CA14: variants seen among roughly 807,000 people sequenced by gnomAD.
The protein encoded by CA14 is CA-XIV.
Under a neutral mutation model 48.8 loss-of-function variants are expected in CA14, and 44 were observed. The ratio of observed to expected loss-of-function variants is 0.90; its 90% CI spans 0.71 to 1.16. CA14 has a LOEUF of 1.16. Among genes scored for constraint, CA14 ranks in the 50% most tolerant of loss-of-function variants. CA14 has a pLI of 0.00. For synonymous variants in CA14, 154 were observed against 155.0 expected (o/e 0.99, Z 0.05); for missense variants, 386 against 401.0 (o/e 0.96, Z 0.32).
intron 2 of CA14, 80 bp downstream of exon 2, chr1:150,260,251 G>A (rs1553847512): frequency 7.1e-7 from 1 of 1,405,972 alleles, no homozygotes; most frequent in Admixed American, 1.7e-5. Flanking sequence ...CTGTGCGGGT[G>A]GGAGGAGACT....
At chr1:150,258,380 T>G (rs1345341349) in intron 1 of CA14, among the ~76,000 whole-genome samples, 197 bp downstream of exon 1, 1 of 152,172 alleles carries the variant, frequency 6.6e-6, no homozygotes, top group African/African-American at 2.4e-5. Flanking sequence ...TTGTTGTTAT[T>G]GGAGGTCGGG....
chr1:150,258,115 C>A lies in CA14; in HGVS notation c.-14C>A. ...CTCAAATTCCCAGTCCCCTGCACCC[C>A]TTCCTGGGACACTATGTTGTTCTCC... is the stretch of plus-strand genomic sequence containing the variant. On this transcript the variant is annotated 5_prime_UTR_variant, in exon 1 of 11. Coordinates refer to ENST00000369111, the MANE Select transcript of CA14 (RefSeq NM_012113.3). The A allele has an allele frequency of 1.2e-6, 2 of 1,606,328 alleles. No homozygotes were observed. Among genetic ancestry groups the A allele is most frequent in the Non-Finnish European group, 1.7e-6 (2 of 1,175,192 alleles).
At position 150,261,275 on chromosome 1, in the gene CA14, T is replaced by G. The variant is rs1212748175; in HGVS notation, c.77-184T>G. ...GGGAAGGGGAACTGCAGCATGAGAC[T>G]CAACAGGACTCCTACCTCACCCATC... On this transcript the variant is annotated intron_variant, in intron 2 of 10. Transcript: ENST00000369111. 1.2e-5 allele frequency: 7 copies of G among 588,206 alleles called. No homozygotes were observed. In the Admixed American group the frequency reaches 1.6e-4, roughly 13 times the overall value. The allele number at this position is 588,206 out of a possible 1,614,324, so 36.4% of individuals were successfully genotyped here. A position where few individuals can be genotyped will look rare whatever the true frequency, so the allele number is the denominator to read the frequency against.
Position 150,263,092 on chromosome 1 carries a change from C to G in CA14, c.613C>G (p.Gln205Glu). The change falls in exon 7 of 11, where the codon CAG becomes GAG. Residue 205 changes from glutamine to glutamate, a missense_variant. Physicochemically the swap from Gln to Glu is conservative, Grantham distance 29. Coordinates refer to ENST00000369111, the MANE Select transcript of CA14 (RefSeq NM_012113.3). ...CAACCTAAGAGAGCTGCTCCCCAAACAGCTGGGGCAGTACTTCCGCTACAA... is the reference window on the plus strand; with the variant it reads ...CAACCTAAGAGAGCTGCTCCCCAAAGAGCTGGGGCAGTACTTCCGCTACAA... The part of the protein sequence containing the change: ...PFNLRELLPK[Q>E]LGQYFRYNGS... 1 of 1,614,122 alleles carries G rather than the reference C, an allele frequency of 6.2e-7. No homozygotes were observed. The highest frequency in any genetic ancestry group is 8.5e-7 in the Non-Finnish European group (1 of 1,179,992).
At position 150,263,137 on chromosome 1, in the gene CA14, C is replaced by G; in HGVS notation, c.658C>G (p.Pro220Ala). The G allele has an allele frequency of 6.2e-7, 1 of 1,614,150 alleles. No individual in the cohort carries two copies. The highest frequency in any genetic ancestry group is 8.5e-7 in the Non-Finnish European group (1 of 1,180,018). ...FRYNGSLTTP[P>A]CYQSVLWTVF... ...CTACAATGGCTCGCTCACAACTCCC[C>G]CTTGCTACCAGAGTGTGCTCTGGAC... Residue 220 changes from proline to alanine, a missense_variant, in exon 7 of 11, where the codon CCT becomes GCT. Pro to Ala is a conservative substitution (Grantham distance 27, BLOSUM62 -1). Transcript: ENST00000369111.
chr1:150,258,020 C>T lies in CA14; in HGVS notation c.-109C>T. 2.9e-6 allele frequency: 2 copies of T among 699,136 alleles called. No individual in the cohort carries two copies. Among genetic ancestry groups the T allele is most frequent in the Non-Finnish European group, 4.6e-6 (2 of 439,052 alleles). The allele number at this position is 699,136 out of a possible 1,614,324, so 43.3% of individuals were successfully genotyped here. On this transcript the variant is annotated 5_prime_UTR_variant, in exon 1 of 11. Coordinates refer to ENST00000369111, the MANE Select transcript of CA14 (RefSeq NM_012113.3). ...GAGATAAATACACTCACGCCAGGAGCTCGCTCGCTCTCTCTCTCTCTCTCT... is the reference window on the plus strand; with the variant it reads ...GAGATAAATACACTCACGCCAGGAGTTCGCTCGCTCTCTCTCTCTCTCTCT...
chr1:150,258,630 C>G (rs1650745038), intron 1 of CA14, among the ~76,000 whole-genome samples: 1 of 152,214 alleles, frequency 6.6e-6, no homozygotes, highest in South Asian at 2.1e-4. Context: ...ATCTCCAATT[C>G]ATCCCCTTTT....
In CA14 at chr1:150,264,731, T is replaced by C. The variant is rs782102195; in HGVS notation, c.*72T>C. The C allele has an allele frequency of 1.9e-5, 23 of 1,209,948 alleles. No homozygotes were observed. In the Middle Eastern group the frequency reaches 5.9e-4, roughly 31 times the overall value. 75.0% of individuals were successfully genotyped at this position (1,209,948 alleles called of 1,614,324 possible). On this transcript the variant is annotated 3_prime_UTR_variant, in exon 11 of 11. Transcript: ENST00000369111. ...ATCAGGAAGCCTCTAAAATGGGGTG[T>C]AGGATCTGGCCAGAAACACTGTAGG...
intron 3 of CA14, 89 bp from the exon 4 acceptor site, chr1:150,262,069 G>A: frequency 1.3e-6 from 2 of 1,493,892 alleles, no homozygotes; most frequent in Non-Finnish European, 1.9e-6. Flanking sequence ...ACTGGAAGAG[G>A]GCCAAGTCTC....
At chr1:150,261,888 A>G (rs1481895286) in intron 3 of CA14, among the ~76,000 whole-genome samples, 1 of 152,220 alleles carries the variant, frequency 6.6e-6, no homozygotes, top group African/African-American at 2.4e-5. Context: ...ATGAATTTGG[A>G]GATATGAGAA....
chr1:150,260,556 A>C lies in CA14; in HGVS notation c.76+385A>C, dbSNP rs587629344. ...ACAGAGCTGGAGGTCAGGGGTGAGG[A>C]AGAGGCTGGCAGGATAGTTTCTGAC... On this transcript the variant is annotated intron_variant, in intron 2 of 10. Coordinates refer to ENST00000369111, the MANE Select transcript of CA14 (RefSeq NM_012113.3). The C allele has an allele frequency of 4.9e-4, 173 of 354,314 alleles. 2 individuals are homozygous for C. The highest frequency in any genetic ancestry group is 8.7e-4 in the Admixed American group (22 of 25,318). The allele number at this position is 354,314 out of a possible 1,614,324, so 21.9% of individuals were successfully genotyped here. A position where few individuals can be genotyped will look rare whatever the true frequency, so the allele number is the denominator to read the frequency against.
In CA14 at chr1:150,262,181, C is replaced by T. The variant is rs1651094528; in HGVS notation, c.280C>T (p.Leu94=). The T allele has an allele frequency of 6.2e-7, 1 of 1,614,094 alleles. No homozygotes were observed. Among genetic ancestry groups the T allele is most frequent in the African/African-American group, 1.3e-5 (1 of 74,930 alleles). Residue 94 remains leucine, a synonymous_variant, in exon 4 of 11, where the codon CTG becomes TTG. Coordinates refer to ENST00000369111, the MANE Select transcript of CA14 (RefSeq NM_012113.3). ...AGTGCAACTCTCTCTGCCCTCTACC[C>T]TGTATCTGGGTGGACTTCCCCGAAA... ...HTVQLSLPST[L]YLGGLPRKYV... is the part of the protein sequence containing the mutation.
intron 1 of CA14, among the ~76,000 whole-genome samples, chr1:150,259,833 A>G (rs1650844870): frequency 6.6e-6 from 1 of 151,878 alleles, no homozygotes; most frequent in South Asian, 2.1e-4. Context: ...CACAGGTTAC[A>G]GAAAAGAAAG....
chr1:150,264,553 T>C, intron 10 of CA14, 40 bp from the exon 11 acceptor site: 1 of 1,155,868 alleles, frequency 8.7e-7, no homozygotes, highest in South Asian at 1.2e-5. Flanking sequence ...TCTGCTTCAC[T>C]TAGATAGCAG....
chr1:150,263,915 CT>C (rs34291619), intron 10 of CA14, 37 bp downstream of exon 10: 20,024 of 832,640 alleles, frequency 0.024, no homozygotes, highest in Middle Eastern at 0.032. Flanking sequence ...GTCCCTTCTT[CT>C]TTTTTTTTTT....
In CA14 at chr1:150,261,494, CCT is replaced by C. The variant is rs782560185; in HGVS notation, c.113_114del (p.Pro38ArgfsTer20). 4 of 1,614,036 alleles carry C rather than the reference CCT, an allele frequency of 2.5e-6. No individual in the cohort carries two copies. Among genetic ancestry groups the C allele is most frequent in the Non-Finnish European group, 3.4e-6 (4 of 1,180,024 alleles). On this transcript the variant is annotated frameshift_variant, in exon 3 of 11. Coordinates refer to ENST00000369111, the MANE Select transcript of CA14 (RefSeq NM_012113.3). LOFTEE classifies it high-confidence loss of function. ...HGQDHWPASYPECGNNAQSPI... is the reference protein window; with the variant it reads ...HGQDHWPASYXECGNNAQSPI... ...TCAGGACCATTGGCCAGCCTCTTACCCTGAGTGTGGAAACAATGCCCAGTCGC... is the reference window on the plus strand; with the variant it reads ...TCAGGACCATTGGCCAGCCTCTTACCGAGTGTGGAAACAATGCCCAGTCGC...
intron 2 of CA14, 128 bp from the exon 3 acceptor site, chr1:150,261,331 A>G: frequency 2.6e-6 from 2 of 771,708 alleles, no homozygotes; most frequent in Non-Finnish European, 4.3e-6. Flanking sequence ...ACCTGGGTGG[A>G]GGGAAGTCCA....
chr1:150,264,675 C>A lies in CA14; in HGVS notation c.*16C>A. The stretch of plus-strand genomic sequence containing the variant: ...TGAGGCATAAATTCCTTCTCAGATA[C>A]CATGGATGTGGATGACTTCCCTTCA... On this transcript the variant is annotated 3_prime_UTR_variant, in exon 11 of 11. Coordinates refer to ENST00000369111, the MANE Select transcript of CA14 (RefSeq NM_012113.3). The A allele has an allele frequency of 1.2e-6, 2 of 1,606,516 alleles. No individual in the cohort carries two copies. Among genetic ancestry groups the A allele is most frequent in the Non-Finnish European group, 1.7e-6 (2 of 1,174,298 alleles).
Position 150,264,924 on chromosome 1 carries a change from G to A in CA14, c.*265G>A, listed in dbSNP as rs1651527052. Reference sequence around the variant, plus strand: ...GAGAACAAACTCTGTTTAGTTGCAGGGGAAGTTTGGGATATACCCCAAAGT... The same window carrying A: ...GAGAACAAACTCTGTTTAGTTGCAGAGGAAGTTTGGGATATACCCCAAAGT... On this transcript the variant is annotated 3_prime_UTR_variant, in exon 11 of 11. Coordinates refer to ENST00000369111, the MANE Select transcript of CA14 (RefSeq NM_012113.3). 3 of 307,618 alleles carry A rather than the reference G, an allele frequency of 9.8e-6. No homozygotes were observed. The highest frequency in any genetic ancestry group is 1.1e-4 in the East Asian group (2 of 17,884). The allele number at this position is 307,618 out of a possible 1,614,324, so 19.1% of individuals were successfully genotyped here.
Sources: gnomAD v4.1 joint callset for allele counts (sites outside exome capture counted in the v4.1 genomes callset) on GRCh38, gnomAD v4.1.1 for gene constraint, MANE v1.5 for transcripts, NCBI Gene and HGNC (gene_info 2026-07-23, HGNC 2026-07-21) for gene names.